PPM1K: variants seen among roughly 807,000 people sequenced by gnomAD.
PPM1K encodes the protein protein phosphatase Mn(2+)-dependent 1K.
In PPM1K, 19 loss-of-function variants were observed where a neutral mutation model predicts 32.6. That is an observed-to-expected ratio of 0.58 (90% confidence interval 0.41 to 0.86). PPM1K has a LOEUF of 0.86. Among genes scored for constraint, PPM1K ranks in the 40% least tolerant of loss-of-function variants. PPM1K has a pLI of 0.00. For synonymous variants in PPM1K, 159 were observed against 165.3 expected (o/e 0.96, Z 0.29); for missense variants, 362 against 461.2 (o/e 0.78, Z 1.97).
intron 5 of PPM1K, among the ~76,000 whole-genome samples, chr4:88,265,378 G>A (rs1307013310): frequency 6.6e-6 from 1 of 152,146 alleles, no homozygotes; most frequent in Non-Finnish European, 1.5e-5. Context: ...TTCCCATGCC[G>A]TTTTCATAAT....
chr4:88,264,825 A>G (rs1731243818), intron 6 of PPM1K, among the ~76,000 whole-genome samples, 176 bp downstream of exon 6: 1 of 152,254 alleles, frequency 6.6e-6, no homozygotes, highest in South Asian at 2.1e-4. Flanking sequence ...GAATAAACAA[A>G]GCACATTTCC....
In PPM1K at chr4:88,274,683, AC is replaced by A. The variant is rs1731692203; in HGVS notation, c.541+2459del. ...GATACTGCTTCAGTTCTTGCTAAAAACTAAAGTTTTAAACTTAAATAATAAC... is the reference window on the plus strand; with the variant it reads ...GATACTGCTTCAGTTCTTGCTAAAAATAAAGTTTTAAACTTAAATAATAAC... On this transcript the variant is annotated intron_variant, in intron 3 of 6. Transcript: ENST00000608933. 3.3e-5 allele frequency among the ~76,000 whole-genome samples: 5 copies of A among 152,342 alleles called. No individual in the cohort carries two copies. In the South Asian group the frequency reaches 1.0e-3, roughly 32 times the overall value.
Position 88,259,964 on chromosome 4 carries a change from GACA to G in PPM1K, c.*2628_*2630del, listed in dbSNP as rs1474405760. 6.6e-6 allele frequency: 1 copy of G among 152,308 alleles called. No individual in the cohort carries two copies. Among genetic ancestry groups the G allele is most frequent in the South Asian group, 2.1e-4 (1 of 4,824 alleles). The allele number at this position is 152,308 out of a possible 1,614,324, so 9.4% of individuals were successfully genotyped here. On this transcript the variant is annotated 3_prime_UTR_variant, in exon 7 of 7. Coordinates refer to ENST00000608933, the MANE Select transcript of PPM1K (RefSeq NM_152542.5). Reference sequence around the variant, plus strand: ...CAATCACCCTCATGCCTTTGAACTTGACAACATCACTCCTCATCTTAGTTTTTA... The same window carrying G: ...CAATCACCCTCATGCCTTTGAACTTGACATCACTCCTCATCTTAGTTTTTA...
chr4:88,276,118 T>G (rs1048296961), intron 3 of PPM1K: 21 of 985,384 alleles, frequency 2.1e-5, no homozygotes, highest in Admixed American at 6.1e-5. Context: ...AGAAGAGAGA[T>G]AATGCTGGTG....
intron 3 of PPM1K, chr4:88,275,881 C>T: frequency 2.0e-6 from 2 of 985,350 alleles, no homozygotes; most frequent in Non-Finnish European, 2.4e-6. Context: ...CTTCTGTCTT[C>T]TTAAAGGTAA....
chr4:88,276,901 T>C, intron 3 of PPM1K: 1 of 848,070 alleles, frequency 1.2e-6, no homozygotes, highest in African/African-American at 1.8e-5. Context: ...CAGAACTGTT[T>C]CGGGGCTTCT....
At chr4:88,277,424 A>G in intron 2 of PPM1K, 181 bp from the exon 3 acceptor site, 1 of 550,912 alleles carries the variant, frequency 1.8e-6, no homozygotes, top group African/African-American at 1.9e-5. Flanking sequence ...GCACTGTGAT[A>G]AGCTTTTAAG....
chr4:88,277,097 C>A (rs1402104495), intron 3 of PPM1K, 46 bp downstream of exon 3: 28 of 1,421,272 alleles, frequency 2.0e-5, no homozygotes, highest in Non-Finnish European at 2.6e-5. Flanking sequence ...TCCTCCCCCA[C>A]CCCATGTACT....
intron 4 of PPM1K, 133 bp downstream of exon 4, chr4:88,268,608 G>C: frequency 1.0e-6 from 1 of 993,068 alleles, no homozygotes; most frequent in Non-Finnish European, 1.5e-6. Flanking sequence ...GCGACAGAGT[G>C]AGACTCTGTC....
chr4:88,263,110 G>A (rs1731186149), intron 6 of PPM1K, among the ~76,000 whole-genome samples: 1 of 152,044 alleles, frequency 6.6e-6, no homozygotes, highest in Admixed American at 6.6e-5. Flanking sequence ...GCTCTTACCA[G>A]GAATTCAATT....
chr4:88,278,485 C>T lies in PPM1K; in HGVS notation c.99G>A (p.Arg33=), dbSNP rs749080578. Residue 33 remains arginine (R), a synonymous_variant, in exon 2 of 7, where the codon CGG becomes CGA. Coordinates refer to ENST00000608933, the MANE Select transcript of PPM1K (RefSeq NM_152542.5). The surrounding 1 kb of genome is among the most constrained non-coding windows in gnomAD (Gnocchi z 4.2). ...LSSRLLQDDR[R]VTPTCHSSTS... is the part of the protein sequence containing the mutation. The stretch of plus-strand genomic sequence containing the variant: ...TGGAGCTGTGGCACGTGGGTGTCAC[C>T]CGCCTGTCGTCCTGCAGCAGGCGGG... 3 of 1,614,114 alleles carry T rather than the reference C, an allele frequency of 1.9e-6. No individual in the cohort carries two copies. Among genetic ancestry groups the T allele is most frequent in the African/African-American group, 2.7e-5 (2 of 75,014 alleles).
chr4:88,280,907 T>A (rs533467002), intron 1 of PPM1K, among the ~76,000 whole-genome samples: 160 of 152,306 alleles, frequency 1.1e-3, no homozygotes, highest in Non-Finnish European at 1.9e-3. Context: ...GCAAGAGATG[T>A]TTGTTCTTTT....
intron 3 of PPM1K, chr4:88,276,373 G>A: frequency 1.0e-6 from 1 of 985,326 alleles, no homozygotes; most frequent in Non-Finnish European, 1.2e-6. Flanking sequence ...CATTCATTTG[G>A]CTGGTACAGA....
Position 88,278,189 on chromosome 4 carries a change from G to C in PPM1K, c.395C>G (p.Pro132Arg), listed in dbSNP as rs375820571. The change falls in exon 2 of 7, where the codon CCT becomes CGT. Residue 132 changes from proline (P) to arginine (R), a missense_variant. By Grantham distance (103) the Pro-to-Arg change is moderately radical. Coordinates refer to ENST00000608933, the MANE Select transcript of PPM1K (RefSeq NM_152542.5). This position sits in a 1 kb window ranked among gnomAD's most constrained non-coding sequence, Gnocchi z 4.2. ...GGTATGACAGAAATCAGCTGCTGCA[G>C]GTCCACCGTGTCCATCATACACTGC... is the stretch of plus-strand genomic sequence containing the variant. ...YFAVYDGHGG[P>R]AAADFCHTHM... The C allele has an allele frequency of 1.1e-5, 17 of 1,614,012 alleles. No individual in the cohort carries two copies. The highest frequency in any genetic ancestry group is 3.4e-6 in the Non-Finnish European group (4 of 1,180,000).
intron 5 of PPM1K, 53 bp downstream of exon 5, chr4:88,268,137 A>T: frequency 6.3e-7 from 1 of 1,582,856 alleles, no homozygotes; most frequent in Non-Finnish European, 8.7e-7. Context: ...AGCAGAGACA[A>T]TCCTACATTC....
chr4:88,282,482 A>G (rs974739870), intron 1 of PPM1K, among the ~76,000 whole-genome samples: 1 of 152,248 alleles, frequency 6.6e-6, no homozygotes, highest in Non-Finnish European at 1.5e-5. Context: ...ATATTCTTAA[A>G]CCAAATATTT....
In PPM1K at chr4:88,262,382, AG is replaced by A. The variant is rs2110152204; in HGVS notation, c.*212del. The A allele has an allele frequency of 2.4e-6, 1 of 423,098 alleles. No homozygotes were observed. Among genetic ancestry groups the A allele is most frequent in the African/African-American group, 2.0e-5 (1 of 49,214 alleles). The allele number at this position is 423,098 out of a possible 1,614,324, so 26.2% of individuals were successfully genotyped here. ...CTTCTCATTTGCTCTTTCCATTTAA[AG>A]ACTCACAGTAGCTTCACTACACATA... On this transcript the variant is annotated 3_prime_UTR_variant, in exon 7 of 7. Transcript: ENST00000608933.
Position 88,278,438 on chromosome 4 carries a change from C to G in PPM1K, c.146G>C (p.Arg49Pro), listed in dbSNP as rs753095031. 1 of 1,614,172 alleles carries G rather than the reference C, an allele frequency of 6.2e-7. No individual in the cohort carries two copies. The highest frequency in any genetic ancestry group is 8.5e-7 in the Non-Finnish European group (1 of 1,180,032). ...HSSTSEPRCSRFDPDGSGSPA... is the reference protein window; with the variant it reads ...HSSTSEPRCSPFDPDGSGSPA... The stretch of plus-strand genomic sequence containing the variant: ...ACTCCCACTACCATCTGGGTCAAAC[C>G]GAGAACACCTAGGCTCTGAAGTGGA... Residue 49 changes from arginine (R) to proline (P), a missense_variant, in exon 2 of 7, where the codon CGG becomes CCG. Coordinates refer to ENST00000608933, the MANE Select transcript of PPM1K (RefSeq NM_152542.5). The surrounding 1 kb of genome is among the most constrained non-coding windows in gnomAD (Gnocchi z 4.2).
intron 5 of PPM1K, among the ~76,000 whole-genome samples, chr4:88,267,987 A>G (rs1578314639): frequency 6.6e-6 from 1 of 152,200 alleles, no homozygotes; most frequent in Non-Finnish European, 1.5e-5. Flanking sequence ...AGGGGGAAAA[A>G]GAGAATTGTT....
Sources: gnomAD v4.1 joint callset for allele counts (sites outside exome capture counted in the v4.1 genomes callset) on GRCh38, gnomAD v4.1.1 for gene constraint, Gnocchi (gnomAD v3.1) non-coding constraint, MANE v1.5 for transcripts, NCBI Gene and HGNC (gene_info 2026-07-23, HGNC 2026-07-21) for gene names.